Variants in KCNJ15 observed in about 807,000 individuals in gnomAD.
KCNJ15 encodes ATP-sensitive inward rectifier potassium channel 15.
In KCNJ15, 14 loss-of-function variants were observed where a neutral mutation model predicts 23.0. The observed-to-expected ratio is 0.61, with a 90% CI of 0.40 to 0.95. KCNJ15 has a LOEUF of 0.95. Ranked by LOEUF, KCNJ15 falls within the 40% of genes least tolerant of loss-of-function variation. The pLI is 0.00. For missense variants in KCNJ15, 388 were observed against 461.8 expected (o/e 0.84, Z 1.46); for synonymous variants, 185 against 183.2 (o/e 1.01, Z -0.08).
chr21:38,272,744 T>A (rs1982236158), intron 1 of KCNJ15, among the ~76,000 whole-genome samples: 1 of 152,212 alleles, frequency 6.6e-6, no homozygotes, highest in South Asian at 2.1e-4. Context: ...CTTACTGATC[T>A]GAAGAAGACT....
chr21:38,294,540 A>G (rs187856642), intron 1 of KCNJ15, among the ~76,000 whole-genome samples: 1 of 152,302 alleles, frequency 6.6e-6, no homozygotes, highest in Admixed American at 6.5e-5. Context: ...GAAACGCAGA[A>G]TGAAGTTTTC....
chr21:38,270,304 C>T (rs1304639702), intron 1 of KCNJ15, among the ~76,000 whole-genome samples: 1 of 152,206 alleles, frequency 6.6e-6, no homozygotes, highest in Non-Finnish European at 1.5e-5. Context: ...CCCTGGAGGG[C>T]TGACAGCACG....
chr21:38,278,085 GT>G (rs1229647936), intron 1 of KCNJ15, among the ~76,000 whole-genome samples: 1 of 152,180 alleles, frequency 6.6e-6, no homozygotes, highest in African/African-American at 2.4e-5. Flanking sequence ...ACACAATGAC[GT>G]TCCCTCTGCT....
intron 1 of KCNJ15, among the ~76,000 whole-genome samples, chr21:38,275,519 C>CAAAAAAAAAAA (rs10709944): frequency 1.1e-5 from 1 of 88,096 alleles, no homozygotes; most frequent in African/African-American, 4.8e-5. Flanking sequence ...GAAACTCCGT[C>CAAAAAAAAAAA]AAAAAAAAAA....
Position 38,299,168 on chromosome 21 carries a change from C to T in KCNJ15, c.-18-76C>T. The stretch of plus-strand genomic sequence containing the variant: ...GTACTTCCATGTACATTCATACTTA[C>T]TTCACATGATGATTCTATTTTCTGG... On this transcript the variant is annotated intron_variant, in intron 2 of 2. Transcript: ENST00000398938. The surrounding 1 kb of genome is among the most constrained non-coding windows in gnomAD (Gnocchi z 4.5). 1 of 1,120,870 alleles carries T rather than the reference C, an allele frequency of 8.9e-7. No individual in the cohort carries two copies. Among genetic ancestry groups the T allele is most frequent in the South Asian group, 1.5e-5 (1 of 67,156 alleles). 69.4% of individuals were successfully genotyped at this position (1,120,870 alleles called of 1,614,324 possible). A position where few individuals can be genotyped will look rare whatever the true frequency, so the allele number is the denominator to read the frequency against.
intron 1 of KCNJ15, among the ~76,000 whole-genome samples, chr21:38,276,461 T>G (rs4817933): frequency 0.81 from 123,367 of 151,990 alleles, 50,679 homozygotes; most frequent in African/African-American, 0.95. Flanking sequence ...CCATTCTATG[T>G]TTTATTTAAA....
At chr21:38,239,118 A>G (rs1978817858) in intron 1 of KCNJ15, among the ~76,000 whole-genome samples, 2 of 152,178 alleles carry the variant, frequency 1.3e-5, no homozygotes, top group East Asian at 3.9e-4. Context: ...TATGGTGCTG[A>G]TGGAGAAGCA....
At chr21:38,288,026 C>CTTTCTTTTTTTTTTTTTTTTT (rs1171718120) in intron 1 of KCNJ15, among the ~76,000 whole-genome samples, 1 of 78,170 alleles carries the variant, frequency 1.3e-5, no homozygotes, top group Non-Finnish European at 2.3e-5. Context: ...TTGTTTTTTT[C>CTTTCTTTTTTTTTTTTTTTTT]TTTGTTTTTT....
At chr21:38,251,490 A>G (rs968117396) in intron 1 of KCNJ15, among the ~76,000 whole-genome samples, 1 of 152,190 alleles carries the variant, frequency 6.6e-6, no homozygotes, top group African/African-American at 2.4e-5. Flanking sequence ...TTTAAAGGAC[A>G]CTTCCATACG....
upstream of KCNJ15, among the ~76,000 whole-genome samples, chr21:38,255,851 C>T (rs1980176383): frequency 1.3e-5 from 2 of 152,184 alleles, no homozygotes; most frequent in Admixed American, 1.3e-4. Flanking sequence ...AAGTGTTCCT[C>T]ACCCTGTCTG....
chr21:38,238,608 C>T (rs1978783251), intron 1 of KCNJ15: 2 of 606,162 alleles, frequency 3.3e-6, no homozygotes, highest in Admixed American at 2.0e-5. Flanking sequence ...CCTTGTGACT[C>T]GTGAAGCTGT....
chr21:38,269,424 A>G (rs940335459), intron 1 of KCNJ15, among the ~76,000 whole-genome samples: 16 of 152,202 alleles, frequency 1.1e-4, no homozygotes, highest in African/African-American at 3.9e-4. Flanking sequence ...ATGAACAACT[A>G]TTGTTGTCAA....
intron 1 of KCNJ15, among the ~76,000 whole-genome samples, chr21:38,267,910 T>C (rs1205085343): frequency 6.6e-6 from 1 of 152,184 alleles, no homozygotes; most frequent in African/African-American, 2.4e-5. Flanking sequence ...AAAAAGTATA[T>C]GCTTAGCTTG....
chr21:38,265,908 C>A (rs1006594648), intron 1 of KCNJ15, among the ~76,000 whole-genome samples: 1 of 152,188 alleles, frequency 6.6e-6, no homozygotes, highest in African/African-American at 2.4e-5. Flanking sequence ...TTGAGATGTG[C>A]CTTGCAGAAC....
rs1226951645 is a variant in KCNJ15, at chr21:38,257,204, T to C, written c.-117+19T>C. ...TTTGCAGGTAAGAGGTACACGGCGC[T>C]TATGTTAACTCTGGGGCATGTGGCA... On this transcript the variant is annotated intron_variant, in intron 1 of 2. Transcript: ENST00000398938. 6.6e-6 allele frequency: 1 copy of C among 152,266 alleles called. No homozygotes were observed. Among genetic ancestry groups the C allele is most frequent in the Admixed American group, 6.5e-5 (1 of 15,272 alleles). The allele number at this position is 152,266 out of a possible 1,614,324, so 9.4% of individuals were successfully genotyped here.
rs943723051 is a variant in KCNJ15, at chr21:38,306,912, A to G, written c.*6523A>G. 2.6e-5 allele frequency: 4 copies of G among 152,192 alleles called. No individual in the cohort carries two copies. The highest frequency in any genetic ancestry group is 4.8e-5 in the African/African-American group (2 of 41,442). 9.4% of individuals were successfully genotyped at this position (152,192 alleles called of 1,614,324 possible). ...GACATGTAGATTTTATATGCAAACA[A>G]TCCCACTGCTTGTAACTCCTGGCAG... On this transcript the variant is annotated 3_prime_UTR_variant, in exon 3 of 3. Coordinates refer to ENST00000398938, the MANE Select transcript of KCNJ15 (RefSeq NM_170736.3).
rs1218435957 is a variant in KCNJ15 at position 38,300,874 on chromosome 21, A to G, written c.*485A>G. On this transcript the variant is annotated 3_prime_UTR_variant, in exon 3 of 3. Coordinates refer to ENST00000398938, the MANE Select transcript of KCNJ15 (RefSeq NM_170736.3). ...AGCAGGAAAAATATTATATCTAATT[A>G]TGTCTATGTGGTAATACCTAAAAAG... 1 of 168,526 alleles carries G rather than the reference A, an allele frequency of 5.9e-6. No homozygotes were observed. Among genetic ancestry groups the G allele is most frequent in the Non-Finnish European group, 1.4e-5 (1 of 69,508 alleles). 10.4% of individuals were successfully genotyped at this position (168,526 alleles called of 1,614,324 possible).
At chr21:38,245,719 G>GAA (rs1568984087) in intron 1 of KCNJ15, among the ~76,000 whole-genome samples, 1 of 145,892 alleles carries the variant, frequency 6.9e-6, no homozygotes, top group Non-Finnish European at 1.6e-5. Context: ...GAAAGAAAGA[G>GAA]AGAGAAAGAG....
intron 1 of KCNJ15, among the ~76,000 whole-genome samples, chr21:38,283,153 AG>A (rs1983533816): frequency 6.6e-6 from 1 of 151,810 alleles, no homozygotes; most frequent in Admixed American, 6.5e-5. Context: ...TATCTCTGAG[AG>A]TAAATGATTT....
Sources: allele counts gnomAD v4.1 joint callset (sites outside exome capture counted in the v4.1 genomes callset), GRCh38; gene constraint gnomAD v4.1.1; non-coding constraint Gnocchi (gnomAD v3.1); transcripts MANE v1.5; gene names NCBI Gene and HGNC (gene_info 2026-07-23, HGNC 2026-07-21).